Variants in TENM2 observed in about 807,000 individuals in gnomAD.
The protein encoded by TENM2 is teneurin-2.
TENM2 carries 52 observed loss-of-function variants against 245.2 expected under a neutral mutation model. That is an observed-to-expected ratio of 0.21 (90% CI 0.17 to 0.27). TENM2 has a LOEUF of 0.27. Ranked by LOEUF, TENM2 falls within the 10% of genes least tolerant of loss-of-function variation. The probability of loss-of-function intolerance (pLI) is 1.00; values close to 1 mark genes in which losing one functional copy is unlikely to be tolerated. For synonymous variants in TENM2, 1,363 were observed against 1,438.9 expected, an observed-to-expected ratio of 0.95 and a Z score of 1.19; for missense variants, 3,046 against 3,666.8, an observed-to-expected ratio of 0.83 and a Z score of 4.37.
chr5:168,101,815 T>A (rs2569036), intron 9 of TENM2, among the ~76,000 whole-genome samples: 78,985 of 151,748 alleles, frequency 0.52, 20,998 homozygotes, highest in Admixed American at 0.62. Flanking sequence ...GGAGTAGGAT[T>A]CTACCTTTTA....
the TENM2 span, among the ~76,000 whole-genome samples, chr5:167,064,924 G>A: frequency 6.6e-6 from 1 of 152,084 alleles, no homozygotes; most frequent in Non-Finnish European, 1.5e-5. Context: ...GAAGGCATTT[G>A]TTGGCTGCTT....
At chr5:167,782,744 A>G (rs988613763) in intron 2 of TENM2, among the ~76,000 whole-genome samples, 2 of 152,198 alleles carry the variant, frequency 1.3e-5, no homozygotes, top group African/African-American at 4.8e-5. Context: ...TGATCTTTTC[A>G]CCAAGGAATT....
At chr5:167,034,424 A>G in the TENM2 span, among the ~76,000 whole-genome samples, 1 of 152,072 alleles carries the variant, frequency 6.6e-6, no homozygotes, top group African/African-American at 2.4e-5. Flanking sequence ...AGGTCAGGAG[A>G]TCGAGACCAT....
At chr5:167,278,503 T>A in the TENM2 span, among the ~76,000 whole-genome samples, 4 of 152,188 alleles carry the variant, frequency 2.6e-5, no homozygotes, top group South Asian at 8.3e-4. Context: ...ACTTTTCGTA[T>A]CTCTGTTTTA....
intron 23 of TENM2, 36 bp downstream of exon 25, chr5:168,219,035 T>G: frequency 1.3e-6 from 2 of 1,583,924 alleles, no homozygotes; most frequent in South Asian, 2.3e-5. Context: ...GAAGAGCCCT[T>G]CCCTTGCCCT....
intron 2 of TENM2, among the ~76,000 whole-genome samples, chr5:167,434,338 C>T (rs1764415906): frequency 2.8e-5 from 4 of 144,422 alleles, no homozygotes; most frequent in South Asian, 2.2e-4. Context: ...CGATTGAACC[C>T]GGGAGGCAGA....
intron 2 of TENM2, among the ~76,000 whole-genome samples, chr5:167,526,527 G>T (rs1771135728): frequency 6.6e-6 from 1 of 151,722 alleles, no homozygotes; most frequent in Non-Finnish European, 1.5e-5. Context: ...TAACAACTGT[G>T]GATTGACTTG....
At chr5:167,707,886 T>G (rs1758640997) in intron 2 of TENM2, among the ~76,000 whole-genome samples, 1 of 152,114 alleles carries the variant, frequency 6.6e-6, no homozygotes, top group South Asian at 2.1e-4. Flanking sequence ...CTCCATCACT[T>G]AGAAGAATGG....
chr5:167,001,216 C>T, the TENM2 span, among the ~76,000 whole-genome samples: 4 of 152,110 alleles, frequency 2.6e-5, no homozygotes, highest in Admixed American at 2.6e-4. Flanking sequence ...AGTTTGGTCT[C>T]ATTGTCTTTA....
At chr5:167,607,596 GT>G (rs1408431430) in intron 2 of TENM2, among the ~76,000 whole-genome samples, 1 of 152,102 alleles carries the variant, frequency 6.6e-6, no homozygotes, top group African/African-American at 2.4e-5. Context: ...CACATATATT[GT>G]TTATCCACAA....
chr5:167,292,617 T>C (rs942269189), intron 1 of TENM2, among the ~76,000 whole-genome samples: 3 of 152,182 alleles, frequency 2.0e-5, no homozygotes, highest in African/African-American at 7.2e-5. Context: ...CCCACTTCCC[T>C]CAAATTGATT....
At chr5:168,081,416 T>G (rs1427444166) in intron 7 of TENM2, among the ~76,000 whole-genome samples, 1 of 152,210 alleles carries the variant, frequency 6.6e-6, no homozygotes, top group African/African-American at 2.4e-5. Context: ...AATTGGAGCA[T>G]TTAGCCCATT....
the TENM2 span, among the ~76,000 whole-genome samples, chr5:167,002,265 A>T: frequency 6.6e-6 from 1 of 152,156 alleles, no homozygotes; most frequent in Non-Finnish European, 1.5e-5. Context: ...TATATTGCCT[A>T]AATGAAACTA....
intron 2 of TENM2, among the ~76,000 whole-genome samples, chr5:167,872,354 GGAAAGAGAAGGAAGGAAGGAAGGA>G (rs1772942936): frequency 1.8e-5 from 2 of 108,302 alleles, no homozygotes; most frequent in Non-Finnish European, 1.9e-5. Context: ...AAGAAAGAAA[GGAAAGAGAAGGAAGGAAGGAAGGA>G]AAAGAAAGAA....
At chr5:167,896,254 T>C (rs1775210771) in intron 3 of TENM2, among the ~76,000 whole-genome samples, 1 of 152,120 alleles carries the variant, frequency 6.6e-6, no homozygotes, top group African/African-American at 2.4e-5. Flanking sequence ...CAGCAGCAAG[T>C]GCAAAGGCTT....
At chr5:168,210,843 G>A (rs183887335) in intron 19 of TENM2, among the ~76,000 whole-genome samples, 40 of 152,246 alleles carry the variant, frequency 2.6e-4, no homozygotes, top group Admixed American at 2.2e-3. Context: ...GAGAATGGGA[G>A]TGGTTCTCCT....
intron 2 of TENM2, among the ~76,000 whole-genome samples, chr5:167,427,617 G>A (rs1679049497): frequency 1.1e-5 from 1 of 94,450 alleles, no homozygotes; most frequent in African/African-American, 6.2e-5. Context: ...GGAAGGAAGG[G>A]AAGGAAGAAA....
At chr5:167,704,616 C>T (rs1758381493) in intron 2 of TENM2, among the ~76,000 whole-genome samples, 1 of 152,004 alleles carries the variant, frequency 6.6e-6, no homozygotes, top group Admixed American at 6.6e-5. Context: ...AGGAAGAGGG[C>T]AGTACAGGCC....
At chr5:167,261,052 G>A in the TENM2 span, among the ~76,000 whole-genome samples, 1 of 152,136 alleles carries the variant, frequency 6.6e-6, no homozygotes, top group East Asian at 1.9e-4. Flanking sequence ...TCAAAGTATG[G>A]TCCCAGGACC....
Sources: allele counts gnomAD v4.1 joint callset (sites outside exome capture counted in the v4.1 genomes callset), GRCh38; gene constraint gnomAD v4.1.1; transcripts MANE v1.5; gene names NCBI Gene and HGNC (gene_info 2026-07-23, HGNC 2026-07-21).